APBB3: variants seen among roughly 807,000 people sequenced by gnomAD.
APBB3 encodes amyloid-beta A4 precursor protein-binding family B member 3.
APBB3 carries 50 observed loss-of-function variants against 61.5 expected under a neutral mutation model. The observed-to-expected ratio is 0.81, with a 90% CI of 0.65 to 1.03. The LOEUF is 1.03. Ranked by LOEUF, APBB3 falls within the 50% of genes least tolerant of loss-of-function variation. The pLI, the probability that APBB3 is intolerant of heterozygous loss-of-function variation, is 0.00. For missense variants in APBB3, 550 were observed against 637.4 expected, an observed-to-expected ratio of 0.86 and a Z score of 1.48; for synonymous variants, 235 against 233.0, an observed-to-expected ratio of 1.01 and a Z score of -0.08.
At position 140,560,059 on chromosome 5, in the gene APBB3, C is replaced by T. The variant is rs1011077271; in HGVS notation, c.1224+254G>A. 1.3e-5 allele frequency among the ~76,000 whole-genome samples: 2 copies of T among 152,230 alleles called. No individual in the cohort carries two copies. Among genetic ancestry groups the T allele is most frequent in the African/African-American group, 4.8e-5 (2 of 41,454 alleles). Reference sequence around the variant, plus strand: ...CTCTGGCTGCATGCTGACACTTACACGTGTGAACTGAGTGCCAGAGCTCTT... The same window carrying T: ...CTCTGGCTGCATGCTGACACTTACATGTGTGAACTGAGTGCCAGAGCTCTT... On this transcript the variant is annotated intron_variant, in intron 12 of 12. Coordinates refer to ENST00000357560, the MANE Select transcript of APBB3 (RefSeq NM_133173.3). The surrounding 1 kb of genome is among the most constrained non-coding windows in gnomAD (Gnocchi z 5.1).
Position 140,561,067 on chromosome 5 carries a change from C to G in APBB3, c.867G>C (p.Gln289His). 1 of 1,614,060 alleles carries G rather than the reference C, an allele frequency of 6.2e-7. No homozygotes were observed. Among genetic ancestry groups the G allele is most frequent in the Non-Finnish European group, 8.5e-7 (1 of 1,180,030 alleles). ...ELLDAVSQAA[Q>H]KYEALYMGTL... ...TCCCCATATACAGTGCCTCGTACTT[C>G]TGAGCAGCTTGGCTTACCGCATCCA... Residue 289 changes from glutamine to histidine, a missense_variant, in exon 10 of 13, where the codon CAG becomes CAC. By Grantham distance (24) the Gln-to-His change is conservative. Transcript: ENST00000357560.
rs981238231 is a variant in APBB3 at position 140,560,598 on chromosome 5, C to T, written c.1032+41G>A. ...AAGCAGTGACCCCTCAGCATCCCTG[C>T]TCACCCCTCCAAAGCCCCCAACTTC... On this transcript the variant is annotated intron_variant, in intron 11 of 12. Coordinates refer to ENST00000357560, the MANE Select transcript of APBB3 (RefSeq NM_133173.3). The surrounding 1 kb of genome is among the most constrained non-coding windows in gnomAD (Gnocchi z 5.1). The T allele has an allele frequency of 1.9e-6, 3 of 1,611,274 alleles. No homozygotes were observed. The highest frequency in any genetic ancestry group is 2.2e-5 in the East Asian group (1 of 44,808).
At position 140,563,640 on chromosome 5, in the gene APBB3, G is replaced by A; in HGVS notation, c.244C>T (p.Pro82Ser). ...AGGCTGGAGAAGGATCTCCCTTTGG[G>A]GGGCCGCAGTCCCCAGATCCCCTCC... is the stretch of plus-strand genomic sequence containing the variant. ...GTEGIWGLRPPKGRSFSSLES... is the reference protein window; with the variant it reads ...GTEGIWGLRPSKGRSFSSLES... The change falls in exon 3 of 13, where the codon CCC becomes TCC. Residue 82 changes from proline (P) to serine (S), a missense_variant. Coordinates refer to ENST00000357560, the MANE Select transcript of APBB3 (RefSeq NM_133173.3). The A allele has an allele frequency of 6.2e-7, 1 of 1,614,180 alleles. No individual in the cohort carries two copies. Among genetic ancestry groups the A allele is most frequent in the Non-Finnish European group, 8.5e-7 (1 of 1,180,034 alleles).
chr5:140,563,753 G>A lies in APBB3; in HGVS notation c.212C>T (p.Thr71Met), dbSNP rs776006916. The A allele has an allele frequency of 1.4e-5, 23 of 1,613,960 alleles. 1 individual carries two copies. The South Asian group carries it at 2.1e-4, about 15-fold the overall frequency. The change falls in exon 2 of 13, where the codon ACG (threonine) becomes ATG (methionine). Residue 71 changes from threonine (T) to methionine (M), a missense_variant and splice_region_variant. This residue lies in a region of APBB3 where 405 missense variants were observed against 483.4 expected (regional missense o/e 0.84). Transcript: ENST00000357560. ...WELGDAEDPG[T>M]GTEGIWGLRP... ...ACCTCCTCCTCACACTCTACCTACC[G>A]TGCCTGGGTCCTCTGCATCTCCTAG...
At chr5:140,563,046 A>T (rs1340447530) in intron 3 of APBB3, 2 of 353,270 alleles carry the variant, frequency 5.7e-6, no homozygotes, top group Non-Finnish European at 5.2e-6. Context: ...GGATATCGAG[A>T]CCATCCTGGC....
rs186001560 is a variant in APBB3 at position 140,562,364 on chromosome 5, C to T, written c.487G>A (p.Ala163Thr). The change falls in exon 5 of 13, where the codon GCC (alanine) becomes ACC (threonine). Residue 163 changes from alanine to threonine, a missense_variant. Coordinates refer to ENST00000357560, the MANE Select transcript of APBB3 (RefSeq NM_133173.3). The stretch of plus-strand genomic sequence containing the variant: ...CCCAGCCAACTCACCTCACCCCAGG[C>T]ACCATCTGGAGGCTGGCTCCGGCTG... Reference protein sequence around the residue: ...TRSRSQPPDGAWGEGQNMLMI... With the variant: ...TRSRSQPPDGTWGEGQNMLMI... 45 of 1,614,052 alleles carry T rather than the reference C, an allele frequency of 2.8e-5. No individual in the cohort carries two copies. The African/African-American group carries it at 5.2e-4, about 19-fold the overall frequency.
chr5:140,562,620 T>C, intron 4 of APBB3, 43 bp downstream of exon 4: 1 of 1,613,130 alleles, frequency 6.2e-7, no homozygotes, highest in Middle Eastern at 1.7e-4. Flanking sequence ...CACCCTTGTC[T>C]TTCCCTTGGG....
chr5:140,558,489 G>T lies in APBB3; in HGVS notation c.*96C>A. 8.5e-7 allele frequency: 1 copy of T among 1,173,144 alleles called. No homozygotes were observed. The highest frequency in any genetic ancestry group is 1.3e-6 in the Non-Finnish European group (1 of 780,762). 72.7% of individuals were successfully genotyped at this position (1,173,144 alleles called of 1,614,324 possible). On this transcript the variant is annotated 3_prime_UTR_variant, in exon 13 of 13. Transcript: ENST00000357560. ...AGGATCGGAGGGACAGGCAGAGAAGGCTTCAAGGAGTGACAGGCTATAGGC... is the reference window on the plus strand; with the variant it reads ...AGGATCGGAGGGACAGGCAGAGAAGTCTTCAAGGAGTGACAGGCTATAGGC...
chr5:140,563,523 C>T (rs936171345), intron 3 of APBB3, 71 bp downstream of exon 3: 58 of 1,576,958 alleles, frequency 3.7e-5, no homozygotes, highest in Non-Finnish European at 5.0e-5. Context: ...GGAAAGCAGA[C>T]CATGGGTCCA....
Position 140,560,317 on chromosome 5 carries a change from C to T in APBB3, c.1220G>A (p.Cys407Tyr). The stretch of plus-strand genomic sequence containing the variant: ...CCATTCCCACCCATGACTCACCATA[C>T]AGGCAGCCTGCACAGCTTCAGAGAG... The part of the protein sequence containing the change: ...GGLSEAVQAA[C>Y]MVQYQKCLVA... The change falls in exon 12 of 13, where the codon TGT (cysteine) becomes TAT (tyrosine). Residue 407 changes from cysteine to tyrosine, a missense_variant. Physicochemically the swap from Cys to Tyr is radical, Grantham distance 194. Transcript: ENST00000357560. This position sits in a 1 kb window ranked among gnomAD's most constrained non-coding sequence, Gnocchi z 5.1. 1.2e-6 allele frequency: 2 copies of T among 1,609,350 alleles called. No individual in the cohort carries two copies. The highest frequency in any genetic ancestry group is 1.7e-4 in the Middle Eastern group (1 of 6,042).
At position 140,562,120 on chromosome 5, in the gene APBB3, G is replaced by A. The variant is rs372228585; in HGVS notation, c.606C>T (p.Gly202=). Residue 202 remains glycine (G), a synonymous_variant, in exon 6 of 13, where the codon GGC becomes GGT. Transcript: ENST00000357560. ...CTCACCGGCCCTTGGAGCTCCCCAC[G>A]CCCCACACACGGATGTGCACCAGAG... is the stretch of plus-strand genomic sequence containing the variant. ...CQPLVHIRVW[G]VGSSKGRDRD... 3.0e-5 allele frequency: 49 copies of A among 1,613,944 alleles called. No homozygotes were observed. Among genetic ancestry groups the A allele is most frequent in the Non-Finnish European group, 3.6e-5 (42 of 1,179,998 alleles).
Position 140,563,889 on chromosome 5 carries a change from C to T in APBB3, c.76G>A (p.Glu26Lys), listed in dbSNP as rs776954117. 3 of 1,614,046 alleles carry T rather than the reference C, an allele frequency of 1.9e-6. No individual in the cohort carries two copies. The highest frequency in any genetic ancestry group is 2.5e-6 in the Non-Finnish European group (3 of 1,180,000). ...DDDLWGDHSL[E>K]VEAGLPPGWR... is the part of the protein sequence containing the mutation. Reference sequence around the variant, plus strand: ...CCAGGAGGCAGGCCAGCCTCCACCTCCAGACTGTGGTCCCCCCACAAGTCA... The same window carrying T: ...CCAGGAGGCAGGCCAGCCTCCACCTTCAGACTGTGGTCCCCCCACAAGTCA... Residue 26 changes from glutamate to lysine, a missense_variant, in exon 2 of 13, where the codon GAG becomes AAG. By Grantham distance (56) the Glu-to-Lys change is moderately conservative (BLOSUM62 1). This residue lies in a region of APBB3 where 405 missense variants were observed against 483.4 expected (regional missense o/e 0.84). Transcript: ENST00000357560.
Position 140,560,997 on chromosome 5 carries a change from T to C in APBB3, c.916+21A>G. The C allele has an allele frequency of 6.2e-7, 1 of 1,609,442 alleles. No homozygotes were observed. Among genetic ancestry groups the C allele is most frequent in the Non-Finnish European group, 8.5e-7 (1 of 1,179,298 alleles). On this transcript the variant is annotated intron_variant, in intron 10 of 12. Coordinates refer to ENST00000357560, the MANE Select transcript of APBB3 (RefSeq NM_133173.3). The surrounding 1 kb of genome is among the most constrained non-coding windows in gnomAD (Gnocchi z 5.1). ...CCCTTGCCTCACACAGCCCACCACA[T>C]GCAGCCCCCTCAGTCCTCACCCATG... is the stretch of plus-strand genomic sequence containing the variant.
rs1411889229 is a variant in APBB3, at chr5:140,561,006, C to T, written c.916+12G>A. The stretch of plus-strand genomic sequence containing the variant: ...CACACAGCCCACCACATGCAGCCCC[C>T]TCAGTCCTCACCCATGGCCTTGGTG... On this transcript the variant is annotated intron_variant, in intron 10 of 12. Transcript: ENST00000357560. The T allele has an allele frequency of 6.2e-7, 1 of 1,611,356 alleles. No homozygotes were observed. Among genetic ancestry groups the T allele is most frequent in the African/African-American group, 1.3e-5 (1 of 75,036 alleles).
chr5:140,560,809 G>A lies in APBB3; in HGVS notation c.917-55C>T, dbSNP rs1266608152. On this transcript the variant is annotated intron_variant, in intron 10 of 12. Transcript: ENST00000357560. The surrounding 1 kb of genome is among the most constrained non-coding windows in gnomAD (Gnocchi z 5.1). Reference sequence around the variant, plus strand: ...GTGTAAAAGAAAGAGTCTGCAGGGAGTGTCTAGCCCCCTCTCACTGATTTG... The same window carrying A: ...GTGTAAAAGAAAGAGTCTGCAGGGAATGTCTAGCCCCCTCTCACTGATTTG... 2.6e-6 allele frequency: 4 copies of A among 1,529,216 alleles called. No individual in the cohort carries two copies. In the African/African-American group the frequency reaches 4.1e-5, roughly 16 times the overall value. The allele number at this position is 1,529,216 out of a possible 1,614,324, so 94.7% of individuals were successfully genotyped here.
intron 6 of APBB3, 115 bp from the exon 7 acceptor site, chr5:140,561,964 G>A: frequency 1.2e-6 from 2 of 1,611,266 alleles, no homozygotes; most frequent in Non-Finnish European, 1.7e-6. Flanking sequence ...GGACCAGGCA[G>A]GGGAAGCAGT....
chr5:140,559,368 C>T (rs890056770), intron 12 of APBB3, among the ~76,000 whole-genome samples: 2 of 152,136 alleles, frequency 1.3e-5, no homozygotes, highest in Non-Finnish European at 2.9e-5. Flanking sequence ...CCTAATTGGC[C>T]TTCCTACCTC....
rs1754797591 is a variant in APBB3 at position 140,558,531 on chromosome 5, G to A, written c.*54C>T. ...GCTATAGGCCTTGAGGAATAAAACG[G>A]TACAGAGTTAGGCATGGACCCAGAG... On this transcript the variant is annotated 3_prime_UTR_variant, in exon 13 of 13. Transcript: ENST00000357560. 1.3e-6 allele frequency: 2 copies of A among 1,554,334 alleles called. No homozygotes were observed. The highest frequency in any genetic ancestry group is 1.8e-6 in the Non-Finnish European group (2 of 1,125,602).
chr5:140,560,372 C>T lies in APBB3; in HGVS notation c.1165G>A (p.Ala389Thr). 1.2e-6 allele frequency: 2 copies of T among 1,614,228 alleles called. No homozygotes were observed. Among genetic ancestry groups the T allele is most frequent in the Non-Finnish European group, 1.7e-6 (2 of 1,180,044 alleles). ...DLGRQSFQCA[A>T]FWCQPHAGGL... ...CCTGCATGGGGCTGGCACCAGAAGG[C>T]TGCGCACTGGAAGCTCTGACGGCCC... is the stretch of plus-strand genomic sequence containing the variant. Residue 389 changes from alanine to threonine, a missense_variant, in exon 12 of 13, where the codon GCC becomes ACC. Ala to Thr is a moderately conservative substitution (Grantham distance 58, BLOSUM62 0). This residue lies in a region of APBB3 where 138 missense variants were observed against 132.6 expected (regional missense o/e 1.04). Transcript: ENST00000357560. This position sits in a 1 kb window ranked among gnomAD's most constrained non-coding sequence, Gnocchi z 5.1.
Sources: allele counts gnomAD v4.1 joint callset (sites outside exome capture counted in the v4.1 genomes callset), GRCh38; gene constraint gnomAD v4.1.1; regional missense constraint gnomAD v4.1.1; non-coding constraint Gnocchi (gnomAD v3.1); transcripts MANE v1.5; gene names NCBI Gene and HGNC (gene_info 2026-07-23, HGNC 2026-07-21).